AMOT: variants seen among roughly 807,000 people sequenced by gnomAD.
The protein encoded by AMOT is angiomotin.
AMOT carries 11 observed loss-of-function variants against 67.0 expected under a neutral mutation model. The observed-to-expected ratio is 0.16, with a 90% CI of 0.10 to 0.27. The LOEUF (loss-of-function observed/expected upper bound fraction) is 0.27. Ranked by LOEUF, AMOT falls within the 10% of genes least tolerant of loss-of-function variation. The pLI is 1.00. For missense variants in AMOT, 753 were observed against 852.0 expected, an observed-to-expected ratio of 0.88 and a Z score of 1.45; for synonymous variants, 326 against 321.4, an observed-to-expected ratio of 1.01 and a Z score of -0.15.
chrX:112,808,094 T>C (rs771903567), intron 7 of AMOT, among the ~76,000 whole-genome samples: 1 of 112,146 alleles, frequency 8.9e-6, no homozygotes, highest in South Asian at 3.8e-4. Context: ...GAAACTTCAA[T>C]AGGGCAGTCT....
At chrX:112,786,226 G>GAAC (rs1933359832) in intron 10 of AMOT, among the ~76,000 whole-genome samples, 1 of 111,999 alleles carries the variant, frequency 8.9e-6, no homozygotes, top group Non-Finnish European at 1.9e-5. Flanking sequence ...TTATGTGTGT[G>GAAC]AACAGCTTCT....
intron 1 of AMOT, among the ~76,000 whole-genome samples, chrX:112,838,002 A>G (rs933574419): frequency 9.0e-6 from 1 of 111,713 alleles, no homozygotes; most frequent in Non-Finnish European, 1.9e-5. Flanking sequence ...GCTGGGCTTA[A>G]TGGGTGCAAA....
rs932373075 is a variant in AMOT at position 112,775,292 on chromosome X, G to A, written c.*3275C>T. 2.7e-5 allele frequency: 3 copies of A among 112,780 alleles called. No homozygotes were observed. The highest frequency in any genetic ancestry group is 6.5e-5 in the African/African-American group (2 of 30,950). 9.3% of individuals were successfully genotyped at this position (112,780 alleles called of 1,213,427 possible). ...AAACATTTTCAGTAAGAATGCACAC[G>A]TTTTAAGTAACATATTCCATATGCA... On this transcript the variant is annotated 3_prime_UTR_variant, in exon 14 of 14. Transcript: ENST00000371959.
intron 8 of AMOT, 49 bp downstream of exon 8, chrX:112,804,898 T>TTAC: frequency 2.4e-6 from 2 of 837,579 alleles, no homozygotes; most frequent in Non-Finnish European, 1.7e-6. Context: ...GTCCCCGATT[T>TTAC]CCCAGCCCTC....
At chrX:112,804,805 C>A in intron 8 of AMOT, 142 bp downstream of exon 8, 1 of 818,784 alleles carries the variant, frequency 1.2e-6, no homozygotes, top group Admixed American at 3.1e-5. Context: ...CTCACATCAG[C>A]ACAGTGGAAA....
chrX:112,829,637 A>T (rs1934936971), intron 2 of AMOT, among the ~76,000 whole-genome samples: 1 of 112,491 alleles, frequency 8.9e-6, no homozygotes, highest in African/African-American at 3.2e-5. Flanking sequence ...TATTTTAAGA[A>T]CCACAGCAAG....
intron 5 of AMOT, among the ~76,000 whole-genome samples, chrX:112,811,779 C>A (rs1040827579): frequency 8.9e-6 from 1 of 111,760 alleles, no homozygotes; most frequent in Non-Finnish European, 1.9e-5. Flanking sequence ...AGGGCTTTCA[C>A]ATGTTGGTTC....
intron 7 of AMOT, among the ~76,000 whole-genome samples, chrX:112,807,575 G>A (rs1420193812): frequency 9.1e-6 from 1 of 110,323 alleles, no homozygotes; most frequent in Non-Finnish European, 1.9e-5. Flanking sequence ...TGCAAGATCA[G>A]ATCAATAATA....
At chrX:112,816,557 A>G (rs1934568364) in intron 4 of AMOT, among the ~76,000 whole-genome samples, 2 of 112,332 alleles carry the variant, frequency 1.8e-5, no homozygotes, top group Admixed American at 1.9e-4. Flanking sequence ...CAATGCTAAC[A>G]TACTATTTTT....
intron 7 of AMOT, among the ~76,000 whole-genome samples, chrX:112,808,886 G>A (rs891330861): frequency 8.9e-6 from 1 of 111,994 alleles, no homozygotes; most frequent in African/African-American, 3.2e-5. Context: ...AAAGGAACAG[G>A]AGGTACAGGG....
intron 3 of AMOT, among the ~76,000 whole-genome samples, chrX:112,824,811 C>T (rs1374684702): frequency 9.0e-6 from 1 of 110,902 alleles, no homozygotes; most frequent in Non-Finnish European, 1.9e-5. Flanking sequence ...GTGCCCAAAA[C>T]TAGAGAGATG....
chrX:112,804,313 A>G (rs971077584), intron 8 of AMOT, among the ~76,000 whole-genome samples: 2 of 110,657 alleles, frequency 1.8e-5, no homozygotes, highest in African/African-American at 6.6e-5. Flanking sequence ...ATAAGCTGTA[A>G]ACTGTCCCTG....
At chrX:112,794,906 C>A (rs928053368) in intron 8 of AMOT, among the ~76,000 whole-genome samples, 5 of 111,606 alleles carry the variant, frequency 4.5e-5, no homozygotes, top group African/African-American at 1.6e-4. Flanking sequence ...ATCATTCTCT[C>A]AGTAACTCTA....
intron 1 of AMOT, among the ~76,000 whole-genome samples, chrX:112,836,600 T>G (rs930871726): frequency 9.0e-6 from 1 of 110,749 alleles, no homozygotes; most frequent in Non-Finnish European, 1.9e-5. Flanking sequence ...CTAGAAAAAA[T>G]GAAAGCAGGT....
intron 8 of AMOT, among the ~76,000 whole-genome samples, chrX:112,799,890 T>A (rs1033000394): frequency 9.0e-6 from 1 of 111,205 alleles, no homozygotes; most frequent in African/African-American, 3.3e-5. Flanking sequence ...TATTTGGGGG[T>A]AGACATAATT....
chrX:112,810,038 C>T, intron 6 of AMOT, 52 bp from the exon 7 acceptor site: 1 of 1,012,588 alleles, frequency 9.9e-7, no homozygotes, highest in South Asian at 1.9e-5. Context: ...CTTTCATGCA[C>T]ATACTATTGG....
intron 12 of AMOT, chrX:112,780,552 G>C: frequency 3.4e-6 from 1 of 293,410 alleles, no homozygotes; most frequent in Non-Finnish European, 6.0e-6. Flanking sequence ...GGCCACATGG[G>C]CTTTGGAGAA....
At chrX:112,788,712 C>T (rs1933463980) in intron 10 of AMOT, among the ~76,000 whole-genome samples, 1 of 111,926 alleles carries the variant, frequency 8.9e-6, no homozygotes, top group South Asian at 3.8e-4. Context: ...GCCAGAAAGA[C>T]ACACAGTCGT....
rs1329495967 is a variant in AMOT, at chrX:112,795,928, T to C, written c.1777-3947A>G. ...TACTTGATGCTTCAGTATGGTTACA[T>C]AGCTTAAGGTTCCTGAATAGCCCAT... On this transcript the variant is annotated intron_variant, in intron 8 of 13. Transcript: ENST00000371959. Among the ~76,000 whole-genome samples the C allele has an allele frequency of 4.5e-5, 5 of 110,651 alleles. No individual in the cohort carries two copies. The East Asian group carries it at 1.1e-3, about 25-fold the overall frequency.
Sources: gnomAD v4.1 joint callset for allele counts (sites outside exome capture counted in the v4.1 genomes callset) on GRCh38, gnomAD v4.1.1 for gene constraint, MANE v1.5 for transcripts, NCBI Gene and HGNC (gene_info 2026-07-23, HGNC 2026-07-21) for gene names.